Variants in CRYL1 observed in about 807,000 individuals in gnomAD.
CRYL1 encodes the protein crystallin lambda 1.
CRYL1 carries 29 observed loss-of-function variants against 36.6 expected under a neutral mutation model. That is an observed-to-expected ratio of 0.79 (90% confidence interval 0.59 to 1.08). The LOEUF (loss-of-function observed/expected upper bound fraction) is 1.08. Among genes scored for constraint, CRYL1 ranks in the 50% least tolerant of loss-of-function variants. The pLI is 0.00. For missense variants in CRYL1, 411 were observed against 407.9 expected, an observed-to-expected ratio of 1.01 and a Z score of -0.06; for synonymous variants, 152 against 151.5, an observed-to-expected ratio of 1.00 and a Z score of -0.02.
At chr13:20,516,908 C>CA (rs1400249086) in intron 1 of CRYL1, among the ~76,000 whole-genome samples, 6 of 151,496 alleles carry the variant, frequency 4.0e-5, no homozygotes, top group African/African-American at 1.2e-4. Context: ...TGCATCTCTA[C>CA]AAAAAAAAAT....
At chr13:20,504,842 G>C (rs1194696824) in intron 2 of CRYL1, among the ~76,000 whole-genome samples, 3 of 152,110 alleles carry the variant, frequency 2.0e-5, no homozygotes, top group Non-Finnish European at 4.4e-5. Context: ...CCTTGGCATG[G>C]TATGAGTTGT....
rs116835093 is a variant in CRYL1 at position 20,447,097 on chromosome 13, G to A, written c.277-7343C>T. Among the ~76,000 whole-genome samples the A allele has an allele frequency of 8.9e-3, 1,358 of 152,294 alleles. 23 individuals are homozygous for A. The highest frequency in any genetic ancestry group is 0.031 in the African/African-American group (1,294 of 41,570). On this transcript the variant is annotated intron_variant, in intron 3 of 7. Coordinates refer to ENST00000298248, the MANE Select transcript of CRYL1 (RefSeq NM_015974.3). The stretch of plus-strand genomic sequence containing the variant: ...ACTTCTGGCACAGGGCAACTGACAG[G>A]CAATCCTACCAGTAGATGATGAGGC...
chr13:20,410,275 C>T (rs1426444054), intron 6 of CRYL1, among the ~76,000 whole-genome samples: 2 of 149,312 alleles, frequency 1.3e-5, no homozygotes, highest in East Asian at 2.0e-4. Context: ...AGTAAACTAT[C>T]GCAAGAACAA....
chr13:20,459,235 C>CAG, intron 3 of CRYL1, among the ~76,000 whole-genome samples: 2 of 78,440 alleles, frequency 2.5e-5, no homozygotes, highest in East Asian at 6.8e-4. Context: ...GACTCCATCT[C>CAG]AAAAAAAAAA....
intron 3 of CRYL1, among the ~76,000 whole-genome samples, chr13:20,464,544 AAGG>A (rs1249780421): frequency 2.6e-5 from 4 of 152,228 alleles, no homozygotes; most frequent in African/African-American, 9.6e-5. Flanking sequence ...AAGGAGGAAG[AAGG>A]AGGAGAAACG....
At chr13:20,485,550 T>C (rs2033378856) in intron 3 of CRYL1, among the ~76,000 whole-genome samples, 1 of 151,920 alleles carries the variant, frequency 6.6e-6, no homozygotes, top group Admixed American at 6.5e-5. Flanking sequence ...ATGCCTGTAA[T>C]CCCAGCTACT....
At position 20,422,492 on chromosome 13, in the gene CRYL1, A is replaced by G. The variant is rs145615534; in HGVS notation, c.634-9105T>C. Among the ~76,000 whole-genome samples the G allele has an allele frequency of 4.8e-3, 732 of 152,308 alleles. 8 individuals carry two copies. Among genetic ancestry groups the G allele is most frequent in the African/African-American group, 0.017 (700 of 41,566 alleles). ...ATCTGCACTACTCTAGAGAGAAATC[A>G]TTACAAGGTACAAACGTGCTCCCTT... On this transcript the variant is annotated intron_variant, in intron 5 of 7. Coordinates refer to ENST00000298248, the MANE Select transcript of CRYL1 (RefSeq NM_015974.3).
intron 3 of CRYL1, among the ~76,000 whole-genome samples, chr13:20,441,503 G>A (rs2032350665): frequency 6.6e-6 from 1 of 152,160 alleles, no homozygotes; most frequent in South Asian, 2.1e-4. Flanking sequence ...GACGGGAAAT[G>A]GGAAGTATAT....
chr13:20,489,119 A>G (rs1397143899), intron 3 of CRYL1, among the ~76,000 whole-genome samples: 1 of 152,254 alleles, frequency 6.6e-6, no homozygotes, highest in Non-Finnish European at 1.5e-5. Flanking sequence ...CATTGTCACC[A>G]GAATCCCTAG....
chr13:20,421,903 G>A (rs2031827364), intron 5 of CRYL1, among the ~76,000 whole-genome samples: 1 of 151,896 alleles, frequency 6.6e-6, no homozygotes, highest in African/African-American at 2.4e-5. Context: ...GCTTATTAAT[G>A]GGGATACAGG....
At chr13:20,429,883 C>A (rs113252398) in intron 5 of CRYL1, among the ~76,000 whole-genome samples, 2,111 of 152,302 alleles carry the variant, frequency 0.014, 50 homozygotes, top group African/African-American at 0.048. Flanking sequence ...AAACTTCAAC[C>A]TGCTACTGGA....
At chr13:20,450,399 G>A (rs1166348278) in intron 3 of CRYL1, among the ~76,000 whole-genome samples, 1 of 152,080 alleles carries the variant, frequency 6.6e-6, no homozygotes, top group Non-Finnish European at 1.5e-5. Flanking sequence ...GCAGAAGAAT[G>A]GAACTAAACA....
Position 20,505,359 on chromosome 13 carries a change from C to CAAAAAA in CRYL1, c.149+7078_149+7083dup, listed in dbSNP as rs61380702. 1.5e-3 allele frequency among the ~76,000 whole-genome samples: 138 copies of CAAAAAA among 91,194 alleles called. 3 individuals are homozygous for CAAAAAA. In the South Asian group the frequency reaches 0.043, roughly 28 times the overall value. The allele number at this position is 91,194 out of a possible 152,430, so 59.8% of individuals were successfully genotyped here. ...GCAACAAAGTGAGACTCTATCCCAC[C>CAAAAAA]AAAAAAAAAAAAAAAAAAAAAAATC... is the stretch of plus-strand genomic sequence containing the variant. On this transcript the variant is annotated intron_variant, in intron 2 of 7. Transcript: ENST00000298248.
chr13:20,404,486 T>C, intron 7 of CRYL1, 149 bp downstream of exon 7: 1 of 650,342 alleles, frequency 1.5e-6, no homozygotes, highest in Non-Finnish European at 2.7e-6. Context: ...GATGGAAGTA[T>C]GAACAAAGTT....
chr13:20,487,270 G>T (rs1056638994), intron 3 of CRYL1, among the ~76,000 whole-genome samples: 1 of 150,974 alleles, frequency 6.6e-6, no homozygotes, highest in Non-Finnish European at 1.5e-5. Context: ...AGCACAGCAA[G>T]TTGCCATGCT....
Position 20,508,908 on chromosome 13 carries a change from G to A in CRYL1, c.149+3535C>T, listed in dbSNP as rs377710026. 1.0e-3 allele frequency among the ~76,000 whole-genome samples: 141 copies of A among 140,540 alleles called. 4 individuals carry two copies. In the South Asian group the frequency reaches 0.029, roughly 29 times the overall value. The allele number at this position is 140,540 out of a possible 152,430, so 92.2% of individuals were successfully genotyped here. A position where few individuals can be genotyped will look rare whatever the true frequency, so the allele number is the denominator to read the frequency against. ...AAAAAACTGACAACAACAACATTTT[G>A]GGCCAGGCTCAGTGGCTCACACCTA... On this transcript the variant is annotated intron_variant, in intron 2 of 7. Coordinates refer to ENST00000298248, the MANE Select transcript of CRYL1 (RefSeq NM_015974.3).
chr13:20,520,284 G>A (rs985780244), intron 1 of CRYL1, among the ~76,000 whole-genome samples: 2 of 152,144 alleles, frequency 1.3e-5, no homozygotes, highest in African/African-American at 4.8e-5. Context: ...ATGGGGTCAA[G>A]AGAGGGTGCT....
chr13:20,417,753 T>C (rs937802555), intron 5 of CRYL1, among the ~76,000 whole-genome samples: 4 of 152,078 alleles, frequency 2.6e-5, no homozygotes, highest in Non-Finnish European at 4.4e-5. Flanking sequence ...TTGCACCTGA[T>C]TTGGTAGGAG....
chr13:20,509,195 C>CAAA (rs1221695401), intron 2 of CRYL1, among the ~76,000 whole-genome samples: 5 of 103,284 alleles, frequency 4.8e-5, no homozygotes, highest in Admixed American at 9.7e-5. Context: ...ACTCAATCCC[C>CAAA]AAAAAAAAAA....
Sources: allele counts gnomAD v4.1 joint callset (sites outside exome capture counted in the v4.1 genomes callset), GRCh38; gene constraint gnomAD v4.1.1; transcripts MANE v1.5; gene names NCBI Gene and HGNC (gene_info 2026-07-23, HGNC 2026-07-21).